FGF14: variants seen among roughly 807,000 people sequenced by gnomAD.
The protein encoded by FGF14 is fibroblast growth factor 14, also known as fibroblast growth factor homologous factor 4.
A neutral mutation model predicts 25.5 loss-of-function variants in FGF14; 5 were observed. That is an observed-to-expected ratio of 0.20 (90% CI 0.10 to 0.41). FGF14 has a LOEUF of 0.41. Among genes scored for constraint, FGF14 ranks in the 10% least tolerant of loss-of-function variants. FGF14 has a pLI of 1.00. For synonymous variants in FGF14, 138 were observed against 118.3 expected, an observed-to-expected ratio of 1.17 and a Z score of -1.08; for missense variants, 222 against 320.1, an observed-to-expected ratio of 0.69 and a Z score of 2.34.
At chr13:101,788,941 G>C (rs866744143) in intron 3 of FGF14, among the ~76,000 whole-genome samples, 4 of 54,524 alleles carry the variant, frequency 7.3e-5, no homozygotes, top group African/African-American at 1.7e-4. Flanking sequence ...GAGAGAGAGA[G>C]AGAGAGACAG....
At chr13:102,162,239 G>A (rs969023386) in intron 1 of FGF14, among the ~76,000 whole-genome samples, 2 of 152,124 alleles carry the variant, frequency 1.3e-5, no homozygotes, top group African/African-American at 2.4e-5. Flanking sequence ...GTCAAAGGCT[G>A]AACAAAGCCT....
At chr13:101,955,980 C>T (rs1248072228) in intron 1 of FGF14, among the ~76,000 whole-genome samples, 1 of 152,216 alleles carries the variant, frequency 6.6e-6, no homozygotes, top group Non-Finnish European at 1.5e-5. Context: ...TTTTCACTTT[C>T]ACTTTTCATT....
At chr13:102,055,692 C>T (rs2042398455) in intron 1 of FGF14, among the ~76,000 whole-genome samples, 1 of 152,156 alleles carries the variant, frequency 6.6e-6, no homozygotes, top group South Asian at 2.1e-4. Flanking sequence ...GGGCATAGCA[C>T]AACACAGGGG....
At chr13:102,384,195 A>C (rs533135877) in intron 1 of FGF14, among the ~76,000 whole-genome samples, 2 of 152,182 alleles carry the variant, frequency 1.3e-5, no homozygotes, top group Non-Finnish European at 2.9e-5. Context: ...GGTAGGAAAA[A>C]ATATTTATAA....
At chr13:101,933,527 C>A (rs760688070) in intron 1 of FGF14, among the ~76,000 whole-genome samples, 6 of 152,122 alleles carry the variant, frequency 3.9e-5, no homozygotes, top group Non-Finnish European at 8.8e-5. Context: ...AATTCAAGAC[C>A]AGCCTGGCCA....
chr13:101,759,884 T>A lies in FGF14; in HGVS notation c.409-33074A>T, dbSNP rs9585773. Among the ~76,000 whole-genome samples the A allele has an allele frequency of 6.0e-3, 908 of 152,308 alleles. 10 individuals are homozygous for A. Among genetic ancestry groups the A allele is most frequent in the African/African-American group, 0.021 (874 of 41,572 alleles). Reference sequence around the variant, plus strand: ...ATTTAGATAAATGAAAGGATCAGCCTGGAAGTTTCAGAGGCTGTTTCCCTC... The same window carrying A: ...ATTTAGATAAATGAAAGGATCAGCCAGGAAGTTTCAGAGGCTGTTTCCCTC... On this transcript the variant is annotated intron_variant, in intron 3 of 4. Coordinates refer to ENST00000376143, the MANE Select transcript of FGF14 (RefSeq NM_004115.4).
At position 101,794,707 on chromosome 13, in the gene FGF14, T is replaced by C. The variant is rs970113533; in HGVS notation, c.409-67897A>G. 5.9e-5 allele frequency among the ~76,000 whole-genome samples: 9 copies of C among 152,218 alleles called. No homozygotes were observed. In the East Asian group the frequency reaches 1.5e-3, roughly 26 times the overall value. Reference sequence around the variant, plus strand: ...TATTCAACTGAATATTCTAATGTCTTTGATTACAAAGCCATCTCTAGCAAT... The same window carrying C: ...TATTCAACTGAATATTCTAATGTCTCTGATTACAAAGCCATCTCTAGCAAT... On this transcript the variant is annotated intron_variant, in intron 3 of 4. Transcript: ENST00000376143.
At chr13:101,884,854 C>T (rs1202749677) in intron 1 of FGF14, among the ~76,000 whole-genome samples, 5 of 135,082 alleles carry the variant, frequency 3.7e-5, no homozygotes, top group African/African-American at 1.5e-4. Context: ...CAAACACACA[C>T]ACAGACACAT....
intron 1 of FGF14, among the ~76,000 whole-genome samples, chr13:102,189,942 G>T (rs550143155): frequency 6.6e-6 from 1 of 152,158 alleles, no homozygotes; most frequent in East Asian, 1.9e-4. Context: ...CAAAAAGATG[G>T]TACCAAGCCA....
At chr13:102,202,233 T>C (rs1050581691) in intron 1 of FGF14, among the ~76,000 whole-genome samples, 7 of 152,146 alleles carry the variant, frequency 4.6e-5, no homozygotes, top group Admixed American at 3.3e-4. Flanking sequence ...TGTTTCTTTA[T>C]AGCAAAACAA....
At chr13:102,090,932 G>T (rs1040938069) in intron 1 of FGF14, among the ~76,000 whole-genome samples, 12 of 152,112 alleles carry the variant, frequency 7.9e-5, no homozygotes, top group Non-Finnish European at 4.4e-5. Flanking sequence ...TCAACTTAGT[G>T]GCTCTCAGTT....
At chr13:102,377,016 C>CA (rs2058055845) in intron 1 of FGF14, among the ~76,000 whole-genome samples, 1 of 151,964 alleles carries the variant, frequency 6.6e-6, no homozygotes, top group East Asian at 1.9e-4. Context: ...TGCTTATTGA[C>CA]GGAGCAGAGA....
At chr13:101,814,960 T>A (rs1566934339) in intron 3 of FGF14, among the ~76,000 whole-genome samples, 1 of 150,472 alleles carries the variant, frequency 6.6e-6, no homozygotes, top group East Asian at 1.9e-4. Context: ...ACAATAACAA[T>A]AAAAGACTCA....
rs74912722 is a variant in FGF14, at chr13:102,172,553, T to C, written c.208+228918A>G. Among the ~76,000 whole-genome samples, 720 of 152,258 alleles carry C rather than the reference T, an allele frequency of 4.7e-3. 4 individuals carry two copies. Among genetic ancestry groups the C allele is most frequent in the African/African-American group, 0.017 (693 of 41,552 alleles). On this transcript the variant is annotated intron_variant, in intron 1 of 4. Transcript: ENST00000376131. ...AAAAGTGTTCAGAAACCTCCTAATA[T>C]GACTGCACTTAGTCTTTTGGGGAGA...
intron 1 of FGF14, among the ~76,000 whole-genome samples, chr13:101,976,041 G>A (rs933728445): frequency 6.6e-6 from 1 of 152,100 alleles, no homozygotes; most frequent in African/African-American, 2.4e-5. Flanking sequence ...CAATGAGCCT[G>A]GGTTATAATG....
At position 101,722,479 on chromosome 13, in the gene FGF14, G is replaced by T. The variant is rs2035060810; in HGVS notation, c.*352C>A. The T allele has an allele frequency of 2.9e-6, 1 of 348,086 alleles. No homozygotes were observed. The highest frequency in any genetic ancestry group is 5.5e-6 in the Non-Finnish European group (1 of 180,678). 21.6% of individuals were successfully genotyped at this position (348,086 alleles called of 1,614,324 possible). ...TAAACACATAGATTTCGCTGAAACAGGACTCAAAAAGGATTATGGGTAGCT... is the reference window on the plus strand; with the variant it reads ...TAAACACATAGATTTCGCTGAAACATGACTCAAAAAGGATTATGGGTAGCT... On this transcript the variant is annotated 3_prime_UTR_variant, in exon 5 of 5. Transcript: ENST00000376143.
intron 1 of FGF14, among the ~76,000 whole-genome samples, chr13:101,925,752 C>T (rs970182835): frequency 2.2e-4 from 33 of 152,152 alleles, no homozygotes; most frequent in African/African-American, 8.0e-4. Context: ...AACAAATTAG[C>T]ATAAACTTAG....
chr13:102,352,684 C>A (rs1248879668), intron 1 of FGF14, among the ~76,000 whole-genome samples: 1 of 151,862 alleles, frequency 6.6e-6, no homozygotes, highest in Non-Finnish European at 1.5e-5. Context: ...CGGTGGTGGG[C>A]GCCTGTAGTC....
chr13:101,972,717 C>G (rs1430425928), intron 1 of FGF14, among the ~76,000 whole-genome samples: 1 of 152,000 alleles, frequency 6.6e-6, no homozygotes, highest in Non-Finnish European at 1.5e-5. Flanking sequence ...CTATATTGCC[C>G]AGGCAGGTCT....
Sources: gnomAD v4.1 joint callset for allele counts (sites outside exome capture counted in the v4.1 genomes callset) on GRCh38, gnomAD v4.1.1 for gene constraint, MANE v1.5 for transcripts, NCBI Gene and HGNC (gene_info 2026-07-23, HGNC 2026-07-21) for gene names.